The following NAP1L4 variants were observed in gnomAD, a reference collection of about 807,000 sequenced individuals.
The protein encoded by NAP1L4 is nucleosome assembly protein 1 like 4, also known as nucleosome assembly protein 1-like 4.
A neutral mutation model predicts 58.2 loss-of-function variants in NAP1L4; 15 were observed. The observed-to-expected ratio is 0.26, with a 90% CI of 0.17 to 0.40. The LOEUF (loss-of-function observed/expected upper bound fraction) is 0.40, where lower values mean the gene tolerates loss of function less well. NAP1L4 is among the 10% of genes least tolerant of loss of function. The pLI is 1.00. For missense variants in NAP1L4, 384 were observed against 451.1 expected (o/e 0.85, Z 1.35); for synonymous variants, 171 against 155.6 (o/e 1.10, Z -0.74).
At chr11:2,961,234 T>TGGA (rs529518726) in intron 8 of NAP1L4, among the ~76,000 whole-genome samples, 1 of 150,896 alleles carries the variant, frequency 6.6e-6, no homozygotes, top group South Asian at 2.1e-4. Flanking sequence ...CAAAGAAAGG[T>TGGA]GGAGGAGGAG....
At chr11:2,956,187 T>C (rs1180224017) in intron 10 of NAP1L4, among the ~76,000 whole-genome samples, 1 of 152,226 alleles carries the variant, frequency 6.6e-6, no homozygotes, top group Non-Finnish European at 1.5e-5. Context: ...TTAAGCCTTA[T>C]AAGCTGTGAG....
chr11:2,980,771 TG>T (rs1208691906), intron 1 of NAP1L4, among the ~76,000 whole-genome samples: 1 of 152,244 alleles, frequency 6.6e-6, no homozygotes, highest in Non-Finnish European at 1.5e-5. Flanking sequence ...GTTCTAATTA[TG>T]ATCTATGACT....
rs1214561788 is a variant in NAP1L4, at chr11:2,971,061, C to A, written c.402+387G>T. Among the ~76,000 whole-genome samples the A allele has an allele frequency of 1.3e-5, 2 of 152,228 alleles. No individual in the cohort carries two copies. The highest frequency in any genetic ancestry group is 1.3e-4 in the Admixed American group (2 of 15,280). ...TGCAACCAATCCACTGGCGGAGCAC[C>A]TCTCAGGGGGCAAGCTAGTCCATGC... On this transcript the variant is annotated intron_variant, in intron 6 of 15. Transcript: ENST00000380542. This position sits in a 1 kb window ranked among gnomAD's most constrained non-coding sequence, Gnocchi z 4.2.
intron 15 of NAP1L4, among the ~76,000 whole-genome samples, 192 bp from the exon 16 acceptor site, chr11:2,945,838 T>G (rs532040250): frequency 1.9e-4 from 28 of 150,148 alleles, no homozygotes; most frequent in Non-Finnish European, 2.7e-4. Context: ...CAAAGCAGGG[T>G]TTTTTTTTGT....
At position 2,948,106 on chromosome 11, in the gene NAP1L4, G is replaced by A. The variant is rs1383688235; in HGVS notation, c.*32+1121C>T. Among the ~76,000 whole-genome samples, 5 of 152,202 alleles carry A rather than the reference G, an allele frequency of 3.3e-5. No homozygotes were observed. The highest frequency in any genetic ancestry group is 9.7e-5 in the African/African-American group (4 of 41,440). On this transcript the variant is annotated intron_variant, in intron 15 of 15. Coordinates refer to ENST00000380542, the MANE Select transcript of NAP1L4 (RefSeq NM_005969.4). This position sits in a 1 kb window ranked among gnomAD's most constrained non-coding sequence, Gnocchi z 5.1. The stretch of plus-strand genomic sequence containing the variant: ...GTACAGGTGGAATAAGAGTGGCTAA[G>A]TTCTTCAGACATGCGGGGACAACAG...
Position 2,954,780 on chromosome 11 carries a change from G to A in NAP1L4, c.916-134C>T. 1 of 1,155,936 alleles carries A rather than the reference G, an allele frequency of 8.7e-7. No individual in the cohort carries two copies. Among genetic ancestry groups the A allele is most frequent in the Non-Finnish European group, 1.3e-6 (1 of 789,492 alleles). 71.6% of individuals were successfully genotyped at this position (1,155,936 alleles called of 1,614,324 possible). A position where few individuals can be genotyped will look rare whatever the true frequency, so the allele number is the denominator to read the frequency against. On this transcript the variant is annotated intron_variant, in intron 11 of 15. Coordinates refer to ENST00000380542, the MANE Select transcript of NAP1L4 (RefSeq NM_005969.4). This position sits in a 1 kb window ranked among gnomAD's most constrained non-coding sequence, Gnocchi z 4.8. ...ACACCAAACTCCTGCACTGCTGGGG[G>A]ACAGCCACTAGACACTCAAAGCCCC...
chr11:2,968,408 G>A (rs921929467), intron 7 of NAP1L4, among the ~76,000 whole-genome samples: 14 of 152,018 alleles, frequency 9.2e-5, no homozygotes, highest in African/African-American at 3.4e-4. Flanking sequence ...TCTTTTAAAA[G>A]TATGGTCTAG....
chr11:2,951,127 T>G lies in NAP1L4; in HGVS notation c.1122+132A>C, dbSNP rs7948980. On this transcript the variant is annotated intron_variant, in intron 14 of 15. Coordinates refer to ENST00000380542, the MANE Select transcript of NAP1L4 (RefSeq NM_005969.4). The surrounding 1 kb of genome is among the most constrained non-coding windows in gnomAD (Gnocchi z 4.0). ...CTGAATAATCATTCCACTATTTTTCTGACACATTTTAAACTTTCTAATTAG... is the reference window on the plus strand; with the variant it reads ...CTGAATAATCATTCCACTATTTTTCGGACACATTTTAAACTTTCTAATTAG... 7,434 of 729,358 alleles carry G rather than the reference T, an allele frequency of 0.01. 382 individuals carry two copies. The African/African-American group carries it at 0.11, about 11-fold the overall frequency. 45.2% of individuals were successfully genotyped at this position (729,358 alleles called of 1,614,324 possible).
intron 2 of NAP1L4, 55 bp from the exon 3 acceptor site, chr11:2,978,397 A>G: frequency 6.7e-7 from 1 of 1,491,822 alleles, no homozygotes. Flanking sequence ...CCAAAGACAT[A>G]GCACAAATGG....
At position 2,954,743 on chromosome 11, in the gene NAP1L4, A is replaced by C; in HGVS notation, c.916-97T>G. 6.5e-7 allele frequency: 1 copy of C among 1,539,254 alleles called. No individual in the cohort carries two copies. Among genetic ancestry groups the C allele is most frequent in the Non-Finnish European group, 8.9e-7 (1 of 1,118,790 alleles). ...AACCTCAGCCCCTCACTTTTGATTTACTTAACTTAAAACACCAAACTCCTG... is the reference window on the plus strand; with the variant it reads ...AACCTCAGCCCCTCACTTTTGATTTCCTTAACTTAAAACACCAAACTCCTG... On this transcript the variant is annotated intron_variant, in intron 11 of 15. Coordinates refer to ENST00000380542, the MANE Select transcript of NAP1L4 (RefSeq NM_005969.4). This position sits in a 1 kb window ranked among gnomAD's most constrained non-coding sequence, Gnocchi z 4.8.
At chr11:2,972,376 T>A in intron 4 of NAP1L4, 133 bp from the exon 5 acceptor site, 1 of 681,224 alleles carries the variant, frequency 1.5e-6, no homozygotes. Flanking sequence ...TCTTAAAAAT[T>A]AAGAAAAGGA....
chr11:2,949,243 G>T lies in NAP1L4; in HGVS notation c.*16C>A. 1 of 1,600,080 alleles carries T rather than the reference G, an allele frequency of 6.2e-7. No individual in the cohort carries two copies. Among genetic ancestry groups the T allele is most frequent in the Non-Finnish European group, 8.6e-7 (1 of 1,167,290 alleles). On this transcript the variant is annotated 3_prime_UTR_variant, in exon 15 of 16. Coordinates refer to ENST00000380542, the MANE Select transcript of NAP1L4 (RefSeq NM_005969.4). This position sits in a 1 kb window ranked among gnomAD's most constrained non-coding sequence, Gnocchi z 4.0. ...CCACCTTACCTAGAAACGTATGAAT[G>T]ATTAACAGACAAAAATTACACCTAA...
intron 1 of NAP1L4, among the ~76,000 whole-genome samples, chr11:2,983,490 T>A (rs1848446742): frequency 6.6e-6 from 1 of 151,890 alleles, no homozygotes; most frequent in Non-Finnish European, 1.5e-5. Context: ...GTGCTGGGAT[T>A]ATAGGACAGA....
In NAP1L4 at chr11:2,951,184, CAAAGTGGGGAACATTTTT is replaced by C. The variant is rs1267979739; in HGVS notation, c.1122+57_1122+74del. On this transcript the variant is annotated intron_variant, in intron 14 of 15. Coordinates refer to ENST00000380542, the MANE Select transcript of NAP1L4 (RefSeq NM_005969.4). The surrounding 1 kb of genome is among the most constrained non-coding windows in gnomAD (Gnocchi z 4.0). The stretch of plus-strand genomic sequence containing the variant: ...ATGAATATTGTTAACACTACTGCCT[CAAAGTGGGGAACATTTTT>C]AAAAGTCTAAGAGTGCAGCATAATA... 7.5e-6 allele frequency: 9 copies of C among 1,193,446 alleles called. No individual in the cohort carries two copies. The highest frequency in any genetic ancestry group is 1.5e-5 in the African/African-American group (1 of 65,920). The allele number at this position is 1,193,446 out of a possible 1,614,324, so 73.9% of individuals were successfully genotyped here. A position where few individuals can be genotyped will look rare whatever the true frequency, so the allele number is the denominator to read the frequency against.
rs1280591624 is a variant in NAP1L4, at chr11:2,971,012, G to C, written c.402+436C>G. Among the ~76,000 whole-genome samples, 2 of 152,290 alleles carry C rather than the reference G, an allele frequency of 1.3e-5. No individual in the cohort carries two copies. The highest frequency in any genetic ancestry group is 2.1e-4 in the South Asian group (1 of 4,814). ...AGAAAAAGGCTGTGAGCAGGTGACT[G>C]ATGGCCACACCACAACCACCATCTG... On this transcript the variant is annotated intron_variant, in intron 6 of 15. Coordinates refer to ENST00000380542, the MANE Select transcript of NAP1L4 (RefSeq NM_005969.4). This position sits in a 1 kb window ranked among gnomAD's most constrained non-coding sequence, Gnocchi z 4.2.
chr11:2,956,784 C>T (rs1488545152), intron 10 of NAP1L4, among the ~76,000 whole-genome samples: 1 of 152,250 alleles, frequency 6.6e-6, no homozygotes, highest in African/African-American at 2.4e-5. Flanking sequence ...ACTGGCTTTG[C>T]AGTTTTAAGG....
In NAP1L4 at chr11:2,946,911, C is replaced by A. The variant is rs947060721; in HGVS notation, c.*33-1265G>T. ...GGAGTGTGGGGGATGCAGGGCGCCC[C>A]GAGCAGGAGCAGTGAGGGGAGGAGT... On this transcript the variant is annotated intron_variant, in intron 15 of 15. Coordinates refer to ENST00000380542, the MANE Select transcript of NAP1L4 (RefSeq NM_005969.4). This position sits in a 1 kb window ranked among gnomAD's most constrained non-coding sequence, Gnocchi z 4.8. Among the ~76,000 whole-genome samples, 4 of 152,114 alleles carry A rather than the reference C, an allele frequency of 2.6e-5. No individual in the cohort carries two copies. Among genetic ancestry groups the A allele is most frequent in the Admixed American group, 6.6e-5 (1 of 15,264 alleles).
At position 2,948,067 on chromosome 11, in the gene NAP1L4, G is replaced by A. The variant is rs1397313220; in HGVS notation, c.*32+1160C>T. Among the ~76,000 whole-genome samples the A allele has an allele frequency of 0.019, 3 of 162 alleles. No homozygotes were observed. The highest frequency in any genetic ancestry group is 0.042 in the African/African-American group (1 of 24). The allele number at this position is 162 out of a possible 152,430, so 0.1% of individuals were successfully genotyped here. ...TGGTGGCATGGGAGGGGTGGCGTGGGAGAGTGGGTGAGGGTACAGGTGGAA... is the reference window on the plus strand; with the variant it reads ...TGGTGGCATGGGAGGGGTGGCGTGGAAGAGTGGGTGAGGGTACAGGTGGAA... On this transcript the variant is annotated intron_variant, in intron 15 of 15. Coordinates refer to ENST00000380542, the MANE Select transcript of NAP1L4 (RefSeq NM_005969.4). This position sits in a 1 kb window ranked among gnomAD's most constrained non-coding sequence, Gnocchi z 5.1.
At chr11:2,977,458 T>G (rs929516742) in intron 3 of NAP1L4, among the ~76,000 whole-genome samples, 10 of 152,212 alleles carry the variant, frequency 6.6e-5, no homozygotes, top group Admixed American at 4.6e-4. Context: ...ATCCAGACTG[T>G]GAGCATTCTA....
Sources: allele counts gnomAD v4.1 joint callset (sites outside exome capture counted in the v4.1 genomes callset), GRCh38; gene constraint gnomAD v4.1.1; non-coding constraint Gnocchi (gnomAD v3.1); transcripts MANE v1.5; gene names NCBI Gene and HGNC (gene_info 2026-07-23, HGNC 2026-07-21).